The following BCL11B variants were observed in gnomAD, a reference collection of about 807,000 sequenced individuals.
The protein encoded by BCL11B is BCL11 transcription factor B, also known as B-cell lymphoma/leukemia 11B.
BCL11B carries 8 observed loss-of-function variants against 49.9 expected under a neutral mutation model. That is an observed-to-expected ratio of 0.16 (90% CI 0.09 to 0.29). The LOEUF (loss-of-function observed/expected upper bound fraction) is 0.29. BCL11B is among the 10% of genes least tolerant of loss of function. The pLI is 1.00. For missense variants in BCL11B, 1,006 were observed against 1,351.0 expected (o/e 0.74, Z 4.00); for synonymous variants, 739 against 637.4 (o/e 1.16, Z -2.40).
intron 3 of BCL11B, among the ~76,000 whole-genome samples, chr14:99,200,465 G>A (rs1228495049): frequency 1.3e-5 from 2 of 152,256 alleles, no homozygotes; most frequent in Non-Finnish European, 1.5e-5. Context: ...GCCCTGTAGG[G>A]CAAGGCATCT....
intron 2 of BCL11B, among the ~76,000 whole-genome samples, chr14:99,252,769 C>G (rs1260784336): frequency 6.6e-6 from 1 of 152,260 alleles, no homozygotes; most frequent in Admixed American, 6.5e-5. Flanking sequence ...CTATGAGTGA[C>G]AGCTGATAGT....
At chr14:99,211,984 A>T (rs1887701848) in intron 3 of BCL11B, among the ~76,000 whole-genome samples, 1 of 151,998 alleles carries the variant, frequency 6.6e-6, no homozygotes, top group Non-Finnish European at 1.5e-5. Context: ...CACACATCCC[A>T]GCAGAAGAGT....
At chr14:99,216,437 A>G (rs1215425766) in intron 3 of BCL11B, among the ~76,000 whole-genome samples, 1 of 152,106 alleles carries the variant, frequency 6.6e-6, no homozygotes, top group African/African-American at 2.4e-5. Flanking sequence ...CGGGATTTGA[A>G]CCCAGCCGTC....
At chr14:99,260,481 TAGG>T (rs1889304997) in intron 1 of BCL11B, among the ~76,000 whole-genome samples, 1 of 152,304 alleles carries the variant, frequency 6.6e-6, no homozygotes, top group South Asian at 2.1e-4. Context: ...TCCTCTCTGC[TAGG>T]AGGTTTTCAA....
intron 3 of BCL11B, among the ~76,000 whole-genome samples, chr14:99,188,594 G>C (rs1886928791): frequency 6.6e-6 from 1 of 151,750 alleles, no homozygotes; most frequent in South Asian, 2.1e-4. Context: ...GGCTAGGGCT[G>C]AGGCTGAAAC....
intron 2 of BCL11B, among the ~76,000 whole-genome samples, chr14:99,253,690 C>T (rs1889074091): frequency 6.6e-6 from 1 of 152,128 alleles, no homozygotes; most frequent in Admixed American, 6.5e-5. Flanking sequence ...TCTCCTCACC[C>T]CTCCTCAAAA....
intron 3 of BCL11B, among the ~76,000 whole-genome samples, chr14:99,227,538 T>C (rs1397738459): frequency 6.6e-6 from 1 of 151,674 alleles, no homozygotes; most frequent in Non-Finnish European, 1.5e-5. Context: ...AGCCCAGGAG[T>C]GTCCAAACCA....
Position 99,205,748 on chromosome 14 carries a change from C to A in BCL11B, c.640+25597G>T, listed in dbSNP as rs1463799567. Among the ~76,000 whole-genome samples, 1 of 152,102 alleles carries A rather than the reference C, an allele frequency of 6.6e-6. No homozygotes were observed. Among genetic ancestry groups the A allele is most frequent in the Non-Finnish European group, 1.5e-5 (1 of 68,018 alleles). The stretch of plus-strand genomic sequence containing the variant: ...AAAGTTCTGTTCCCACATTTTACCT[C>A]CAAAATTAAAAGAAAATAACAGCAC... On this transcript the variant is annotated intron_variant, in intron 3 of 3. Coordinates refer to ENST00000357195, the MANE Select transcript of BCL11B (RefSeq NM_138576.4). The surrounding 1 kb of genome is among the most constrained non-coding windows in gnomAD (Gnocchi z 5.0).
chr14:99,253,557 G>A lies in BCL11B; in HGVS notation c.427+3914C>T, dbSNP rs1170635656. On this transcript the variant is annotated intron_variant, in intron 2 of 3. Coordinates refer to ENST00000357195, the MANE Select transcript of BCL11B (RefSeq NM_138576.4). ...CACAATGACAGATGAGGAAACCGCG[G>A]CTCAGAAGGTCAAGTGGCTGCCGGA... is the stretch of plus-strand genomic sequence containing the variant. Among the ~76,000 whole-genome samples, 6 of 152,180 alleles carry A rather than the reference G, an allele frequency of 3.9e-5. No individual in the cohort carries two copies. The East Asian group carries it at 1.2e-3, about 29-fold the overall frequency.
chr14:99,267,382 C>T (rs1289245511), intron 1 of BCL11B, among the ~76,000 whole-genome samples: 2 of 152,148 alleles, frequency 1.3e-5, no homozygotes, highest in East Asian at 3.8e-4. Context: ...AATATGCTCA[C>T]GGCTGTTTTC....
At chr14:99,199,681 T>TGCGCGCGC (rs1373200594) in intron 3 of BCL11B, among the ~76,000 whole-genome samples, 154 of 71,052 alleles carry the variant, frequency 2.2e-3, no homozygotes, top group Middle Eastern at 8.1e-3. Context: ...TGTGTGTGTG[T>TGCGCGCGC]GTGCGCGCGC....
At chr14:99,212,730 G>A (rs1470443159) in intron 3 of BCL11B, among the ~76,000 whole-genome samples, 1 of 152,186 alleles carries the variant, frequency 6.6e-6, no homozygotes, top group Non-Finnish European at 1.5e-5. Flanking sequence ...AGCTGAAGCT[G>A]GAGGCAAGTG....
intron 3 of BCL11B, among the ~76,000 whole-genome samples, chr14:99,186,675 A>T (rs754091237): frequency 3.3e-5 from 5 of 152,262 alleles, no homozygotes; most frequent in Non-Finnish European, 7.3e-5. Flanking sequence ...CAAGAAACTT[A>T]GCTGGATATA....
intron 3 of BCL11B, among the ~76,000 whole-genome samples, chr14:99,199,679 TGTGTGCGCGC>T (rs1202132785): frequency 2.0e-4 from 14 of 69,906 alleles, no homozygotes; most frequent in African/African-American, 5.8e-4. Context: ...TGTGTGTGTG[TGTGTGCGCGC>T]GCGCGCGCAC....
intron 2 of BCL11B, among the ~76,000 whole-genome samples, chr14:99,237,437 G>C (rs1285514706): frequency 6.6e-6 from 1 of 152,132 alleles, no homozygotes; most frequent in African/African-American, 2.4e-5. Flanking sequence ...ACCAGAGAGG[G>C]AGTGGGTGTG....
intron 1 of BCL11B, among the ~76,000 whole-genome samples, chr14:99,268,785 T>G (rs1479064025): frequency 6.6e-6 from 1 of 152,172 alleles, no homozygotes; most frequent in African/African-American, 2.4e-5. Flanking sequence ...CAGGCCGGCT[T>G]TCCTTTGCCC....
intron 2 of BCL11B, among the ~76,000 whole-genome samples, chr14:99,245,235 T>C (rs572909442): frequency 1.3e-5 from 2 of 152,334 alleles, no homozygotes; most frequent in African/African-American, 4.8e-5. Flanking sequence ...GGTGACGATT[T>C]GCATACAAAT....
chr14:99,259,570 G>A (rs140262023), intron 1 of BCL11B, among the ~76,000 whole-genome samples: 5 of 152,300 alleles, frequency 3.3e-5, no homozygotes, highest in African/African-American at 1.2e-4. Context: ...CAGAGCCCTC[G>A]ATGAATTAAA....
intron 3 of BCL11B, among the ~76,000 whole-genome samples, chr14:99,214,949 GCA>G (rs1887789958): frequency 6.6e-6 from 1 of 152,154 alleles, no homozygotes; most frequent in African/African-American, 2.4e-5. Flanking sequence ...CATCAAGCAT[GCA>G]GGGGTGGGGG....
Sources: allele counts gnomAD v4.1 joint callset (sites outside exome capture counted in the v4.1 genomes callset), GRCh38; gene constraint gnomAD v4.1.1; non-coding constraint Gnocchi (gnomAD v3.1); transcripts MANE v1.5; gene names NCBI Gene and HGNC (gene_info 2026-07-23, HGNC 2026-07-21).